The following NRXN3 variants were observed in gnomAD, a reference collection of about 807,000 sequenced individuals.
NRXN3 encodes the protein neurexin 3, also known as neurexin III.
In NRXN3, 32 loss-of-function variants were observed where a neutral mutation model predicts 137.6. That is an observed-to-expected ratio of 0.23 (90% CI 0.18 to 0.31). The LOEUF is 0.31. Among genes scored for constraint, NRXN3 ranks in the 10% least tolerant of loss-of-function variants. NRXN3 has a pLI of 1.00. For missense variants in NRXN3, 1,574 were observed against 2,062.5 expected (o/e 0.76, Z 4.59); for synonymous variants, 798 against 784.5 (o/e 1.02, Z -0.29).
intron 16 of NRXN3, among the ~76,000 whole-genome samples, chr14:79,498,251 T>G (rs2096786724): frequency 6.6e-6 from 1 of 152,212 alleles, no homozygotes; most frequent in African/African-American, 2.4e-5. Flanking sequence ...TCCTGGGAAC[T>G]ATTAACTTCT....
intron 16 of NRXN3, among the ~76,000 whole-genome samples, chr14:79,533,633 A>G (rs2097187947): frequency 6.6e-6 from 1 of 152,306 alleles, no homozygotes; most frequent in Admixed American, 6.5e-5. Flanking sequence ...AAATCGTCCC[A>G]GTAAACCCAT....
In NRXN3 at chr14:79,862,489, A is replaced by C. The variant is rs1270766102; in HGVS notation, c.*525A>C. 7.8e-6 allele frequency: 1 copy of C among 128,800 alleles called. No homozygotes were observed. Among genetic ancestry groups the C allele is most frequent in the Non-Finnish European group, 1.8e-5 (1 of 56,864 alleles). 8.0% of individuals were successfully genotyped at this position (128,800 alleles called of 1,614,324 possible). A position where few individuals can be genotyped will look rare whatever the true frequency, so the allele number is the denominator to read the frequency against. On this transcript the variant is annotated 3_prime_UTR_variant, in exon 21 of 21. Transcript: ENST00000335750. ...AAAACACCAAAAAACAAAAACAAAC[A>C]AAAAAAAAAACCCACAACCCTTATC...
Position 79,340,139 on chromosome 14 carries a change from C to T in NRXN3, c.3263-127082C>T, listed in dbSNP as rs371971542. On this transcript the variant is annotated intron_variant, in intron 15 of 20. Transcript: ENST00000335750. Reference sequence around the variant, plus strand: ...TGAGTTTGCCAAGTCACAGCCCCCTCGTTTGACCTCTGAATTTAAGGGTGT... The same window carrying T: ...TGAGTTTGCCAAGTCACAGCCCCCTTGTTTGACCTCTGAATTTAAGGGTGT... 4.6e-5 allele frequency among the ~76,000 whole-genome samples: 7 copies of T among 151,018 alleles called. No individual in the cohort carries two copies. The East Asian group carries it at 7.8e-4, about 17-fold the overall frequency.
intron 8 of NRXN3, among the ~76,000 whole-genome samples, chr14:78,792,210 A>G (rs2098807261): frequency 6.6e-6 from 1 of 150,900 alleles, no homozygotes; most frequent in Admixed American, 6.6e-5. Flanking sequence ...CAAAGAAAAA[A>G]AAAAAACAAA....
At position 79,355,200 on chromosome 14, in the gene NRXN3, C is replaced by T. The variant is rs1393395367; in HGVS notation, c.3263-112021C>T. On this transcript the variant is annotated intron_variant, in intron 15 of 20. Transcript: ENST00000335750. Reference sequence around the variant, plus strand: ...ATGATAAGGAATCAGTCTGCTGTGCCATATTGGTAGATGAAATGCTGCTAC... The same window carrying T: ...ATGATAAGGAATCAGTCTGCTGTGCTATATTGGTAGATGAAATGCTGCTAC... Among the ~76,000 whole-genome samples, 4 of 151,888 alleles carry T rather than the reference C, an allele frequency of 2.6e-5. No individual in the cohort carries two copies. The East Asian group carries it at 7.7e-4, about 29-fold the overall frequency.
intron 15 of NRXN3, among the ~76,000 whole-genome samples, chr14:79,284,837 A>G (rs1347285143): frequency 6.6e-6 from 1 of 152,012 alleles, no homozygotes; most frequent in Non-Finnish European, 1.5e-5. Flanking sequence ...CTGCTTTCTA[A>G]CCACTTTCTT....
intron 4 of NRXN3, among the ~76,000 whole-genome samples, chr14:78,603,206 C>T (rs140676400): frequency 2.6e-4 from 39 of 152,306 alleles, no homozygotes; most frequent in Non-Finnish European, 4.3e-4. Flanking sequence ...GCATTGCCCA[C>T]CTGCTGCTCT....
intron 10 of NRXN3, among the ~76,000 whole-genome samples, chr14:78,869,165 A>G (rs963332010): frequency 1.3e-5 from 2 of 152,140 alleles, no homozygotes; most frequent in African/African-American, 4.8e-5. Context: ...CAAAGCCATG[A>G]AGTTTGGAAT....
chr14:79,072,734 C>G (rs935384082), intron 15 of NRXN3, among the ~76,000 whole-genome samples: 1 of 152,046 alleles, frequency 6.6e-6, no homozygotes. Context: ...CTGTAAAATG[C>G]TTGCTGTTAT....
At chr14:78,896,059 A>T (rs1040659992) in intron 10 of NRXN3, among the ~76,000 whole-genome samples, 2 of 151,934 alleles carry the variant, frequency 1.3e-5, no homozygotes, top group African/African-American at 4.8e-5. Context: ...AGGCACATGC[A>T]GTTAGAAAAA....
chr14:78,318,512 C>T (rs2078966886), intron 4 of NRXN3, among the ~76,000 whole-genome samples: 2 of 152,200 alleles, frequency 1.3e-5, no homozygotes, highest in South Asian at 2.1e-4. Context: ...TGCCTCACCT[C>T]ATTCACAGAG....
intron 4 of NRXN3, among the ~76,000 whole-genome samples, chr14:78,342,109 C>T (rs1387573454): frequency 6.6e-6 from 1 of 152,180 alleles, no homozygotes; most frequent in Admixed American, 6.5e-5. Context: ...AAATGTGGGA[C>T]TTTCATTGCT....
intron 15 of NRXN3, among the ~76,000 whole-genome samples, chr14:79,022,072 T>C (rs566899444): frequency 6.6e-6 from 1 of 152,338 alleles, no homozygotes; most frequent in South Asian, 2.1e-4. Flanking sequence ...TGTGAAGTTG[T>C]TGGTTTTTCT....
At chr14:78,604,744 G>T (rs1484773940) in intron 4 of NRXN3, among the ~76,000 whole-genome samples, 1 of 152,154 alleles carries the variant, frequency 6.6e-6, no homozygotes, top group African/African-American at 2.4e-5. Flanking sequence ...CTCCCTGTGA[G>T]ATGCCATATA....
intron 10 of NRXN3, among the ~76,000 whole-genome samples, chr14:78,933,574 GTATT>G (rs2152878017): frequency 6.6e-6 from 1 of 152,250 alleles, no homozygotes; most frequent in East Asian, 1.9e-4. Flanking sequence ...AAACTTGTAT[GTATT>G]TATAGTGTAC....
chr14:78,446,933 C>T (rs2094435494), intron 4 of NRXN3, among the ~76,000 whole-genome samples: 1 of 152,154 alleles, frequency 6.6e-6, no homozygotes, highest in Non-Finnish European at 1.5e-5. Context: ...TCCCTCATTC[C>T]AGAATCCAGC....
Position 78,209,862 on chromosome 14 carries a change from T to C in NRXN3, c.-703-32529T>C, listed in dbSNP as rs146873462. Among the ~76,000 whole-genome samples, 47 of 152,342 alleles carry C rather than the reference T, an allele frequency of 3.1e-4. No homozygotes were observed. The East Asian group carries it at 8.7e-3, about 28-fold the overall frequency. On this transcript the variant is annotated intron_variant, in intron 1 of 20. Transcript: ENST00000335750. ...CCTCAGCACTCTTAATTCCTTCTTA[T>C]CTACTTTATTATTTTTTCCTGAGTA...
At chr14:79,695,169 A>G (rs766858438) in intron 18 of NRXN3, among the ~76,000 whole-genome samples, 34 of 151,744 alleles carry the variant, frequency 2.2e-4, no homozygotes, top group Non-Finnish European at 4.0e-4. Context: ...ACTGGAATGA[A>G]GGAGACTCAT....
At chr14:78,174,102 G>C (rs1415645437) in intron 1 of NRXN3, among the ~76,000 whole-genome samples, 36 of 152,076 alleles carry the variant, frequency 2.4e-4, no homozygotes, top group Admixed American at 2.4e-3. Context: ...CACAAGCAGG[G>C]GATTGGAATG....
Sources: allele counts gnomAD v4.1 joint callset (sites outside exome capture counted in the v4.1 genomes callset), GRCh38; gene constraint gnomAD v4.1.1; transcripts MANE v1.5; gene names NCBI Gene and HGNC (gene_info 2026-07-23, HGNC 2026-07-21).